Variants in MTCL1 observed in about 807,000 individuals in gnomAD.
MTCL1 encodes microtubule crosslinking factor 1, also known as microtubule cross-linking factor 1.
Under a neutral mutation model 141.4 loss-of-function variants are expected in MTCL1, and 79 were observed. The ratio of observed to expected loss-of-function variants is 0.56; its 90% CI spans 0.47 to 0.67. MTCL1 has a LOEUF of 0.67. MTCL1 is among the 30% of genes least tolerant of loss of function. The pLI, the probability that MTCL1 is intolerant of heterozygous loss-of-function variation, is 0.00. For missense variants in MTCL1, 2,177 were observed against 2,113.9 expected (o/e 1.03, Z -0.59); for synonymous variants, 914 against 875.8 (o/e 1.04, Z -0.77).
chr18:8,720,522 C>G (rs778461606), intron 4 of MTCL1, 26 bp downstream of exon 3: 1 of 1,606,166 alleles, frequency 6.2e-7, no homozygotes, highest in Non-Finnish European at 8.5e-7. Context: ...GGGGGTCCTG[C>G]CCCCTTGGAT....
At chr18:8,749,426 CAG>C (rs2096358925) in intron 4 of MTCL1, among the ~76,000 whole-genome samples, 1 of 152,198 alleles carries the variant, frequency 6.6e-6, no homozygotes. Flanking sequence ...GGTCCTGGCT[CAG>C]GGTGTTCGAT....
intron 4 of MTCL1, among the ~76,000 whole-genome samples, chr18:8,758,168 C>T (rs1567986450): frequency 1.3e-5 from 2 of 152,068 alleles, no homozygotes; most frequent in South Asian, 4.1e-4. Context: ...GGATTACAGG[C>T]ATGCACCACC....
intron 10 of MTCL1, 117 bp downstream of exon 9, chr18:8,798,408 G>A (rs1043852633): frequency 1.5e-5 from 13 of 851,162 alleles, no homozygotes; most frequent in Middle Eastern, 3.7e-4. Context: ...AAATTCCACC[G>A]CCTGACTGCG....
At chr18:8,826,294 G>A in intron 15 of MTCL1, 62 bp downstream of exon 14, 1 of 1,407,296 alleles carries the variant, frequency 7.1e-7, no homozygotes, top group Non-Finnish European at 9.5e-7. Flanking sequence ...CTGTGGGGCA[G>A]GTTGGGACTT....
At chr18:8,821,395 C>G in intron 13 of MTCL1, 72 bp from the exon 13 acceptor site, 1 of 968,142 alleles carries the variant, frequency 1.0e-6, no homozygotes, top group Non-Finnish European at 1.6e-6. Context: ...GCAAACAAAT[C>G]ACTTAAGTAC....
intron 12 of MTCL1, among the ~76,000 whole-genome samples, chr18:8,816,352 A>G (rs2076654783): frequency 6.6e-6 from 1 of 152,230 alleles, no homozygotes; most frequent in Non-Finnish European, 1.5e-5. Flanking sequence ...CTTTCAGAAC[A>G]CATGCTTCAT....
chr18:8,749,833 A>G (rs945831396), intron 4 of MTCL1, among the ~76,000 whole-genome samples: 5 of 152,156 alleles, frequency 3.3e-5, no homozygotes, highest in Non-Finnish European at 7.3e-5. Flanking sequence ...CTTGAACTTC[A>G]GTGTCTGCAA....
chr18:8,705,759 C>A lies in MTCL1; in HGVS notation c.99C>A (p.Ala33=). 1 of 1,202,026 alleles carries A rather than the reference C, an allele frequency of 8.3e-7. No homozygotes were observed. Among genetic ancestry groups the A allele is most frequent in the South Asian group, 4.1e-5 (1 of 24,136 alleles). The allele number at this position is 1,202,026 out of a possible 1,614,324, so 74.5% of individuals were successfully genotyped here. The change falls in exon 1 of 14, where the codon GCC becomes GCA. Residue 33 remains alanine (A), a synonymous_variant. Coordinates refer to the MTCL1 transcript ENST00000306329. This position sits in a 1 kb window ranked among gnomAD's most constrained non-coding sequence, Gnocchi z 5.2. ...GCCACCACCACCTCCACCCGGTGGC[C>A]GAAAGGCGGCGGCTGCACCGTGCGC...
At chr18:8,739,978 GC>G (rs1441540398) in intron 4 of MTCL1, among the ~76,000 whole-genome samples, 1 of 152,180 alleles carries the variant, frequency 6.6e-6, no homozygotes, top group Admixed American at 6.5e-5. Flanking sequence ...TGATCTGCCC[GC>G]CTTGGCCTCC....
upstream of MTCL1, among the ~76,000 whole-genome samples, chr18:8,715,092 G>A (rs557858641): frequency 2.4e-4 from 36 of 152,248 alleles, 1 homozygote; most frequent in East Asian, 3.9e-3. Flanking sequence ...CACCGCACCC[G>A]GCCCCTAATT....
chr18:8,804,426 T>C (rs1229761316), intron 10 of MTCL1, among the ~76,000 whole-genome samples: 2 of 152,148 alleles, frequency 1.3e-5, no homozygotes, highest in African/African-American at 2.4e-5. Flanking sequence ...AATTTTTAGG[T>C]ACTTTTTGAC....
At chr18:8,786,130 C>G in intron 7 of MTCL1, 39 bp downstream of exon 6, 6 of 1,503,808 alleles carry the variant, frequency 4.0e-6, no homozygotes, top group Admixed American at 4.0e-5. Context: ...CCGCCCTCCC[C>G]CTCCTTTTTC....
chr18:8,816,770 G>A (rs979112780), intron 12 of MTCL1, among the ~76,000 whole-genome samples: 32 of 152,152 alleles, frequency 2.1e-4, no homozygotes, highest in African/African-American at 7.5e-4. Context: ...CACTCTCGAG[G>A]GTTTATTGTT....
intron 4 of MTCL1, among the ~76,000 whole-genome samples, chr18:8,722,507 A>C (rs1302380003): frequency 2.6e-5 from 4 of 152,248 alleles, no homozygotes; most frequent in African/African-American, 9.6e-5. Flanking sequence ...GCCAATCAAC[A>C]CATATTTTGC....
chr18:8,764,502 G>C (rs543026134), intron 4 of MTCL1, among the ~76,000 whole-genome samples: 2 of 152,016 alleles, frequency 1.3e-5, no homozygotes, highest in Non-Finnish European at 2.9e-5. Context: ...ATTTTTAGTA[G>C]AGACAGGGTT....
chr18:8,720,835 A>T (rs946846155), intron 4 of MTCL1, among the ~76,000 whole-genome samples: 2 of 152,110 alleles, frequency 1.3e-5, no homozygotes, highest in Admixed American at 6.6e-5. Context: ...ATTACCACTC[A>T]GATGAGCTGA....
chr18:8,777,890 C>G, exon 5 of MTCL1: 1 of 1,613,376 alleles, frequency 6.2e-7, no homozygotes, highest in Non-Finnish European at 8.5e-7. Flanking sequence ...AACCTTTAAC[C>G]AGGTAAGCAG....
At chr18:8,825,973 A>G (rs887918983) in exon 15 of MTCL1, 9 of 1,597,800 alleles carry the variant, frequency 5.6e-6, no homozygotes, top group East Asian at 2.2e-5. Context: ...ACAGGCACCA[A>G]TTCCCGAGGA....
At chr18:8,743,193 C>T (rs938521160) in intron 4 of MTCL1, among the ~76,000 whole-genome samples, 2 of 152,232 alleles carry the variant, frequency 1.3e-5, no homozygotes, top group Non-Finnish European at 2.9e-5. Flanking sequence ...GGACATTGTT[C>T]TAGCTGGCTA....
Sources: gnomAD v4.1 joint callset for allele counts (sites outside exome capture counted in the v4.1 genomes callset) on GRCh38, gnomAD v4.1.1 for gene constraint, Gnocchi (gnomAD v3.1) non-coding constraint, MANE v1.5 for transcripts, NCBI Gene and HGNC (gene_info 2026-07-23, HGNC 2026-07-21) for gene names.